GRM7: variants seen among roughly 807,000 people sequenced by gnomAD.
The protein encoded by GRM7 is glutamate metabotropic receptor 7, also known as metabotropic glutamate receptor 7.
In GRM7, 35 loss-of-function variants were observed where a neutral mutation model predicts 84.5. The observed-to-expected ratio is 0.41, with a 90% CI of 0.32 to 0.55. The LOEUF (loss-of-function observed/expected upper bound fraction) is 0.55, where lower values mean the gene tolerates loss of function less well. GRM7 is among the 20% of genes least tolerant of loss of function. The pLI is 0.19. For synonymous variants in GRM7, 487 were observed against 455.1 expected, an observed-to-expected ratio of 1.07 and a Z score of -0.89; for missense variants, 1,003 against 1,194.6, an observed-to-expected ratio of 0.84 and a Z score of 2.36.
chr3:7,662,068 A>G (rs1699483267), intron 8 of GRM7, among the ~76,000 whole-genome samples: 2 of 152,196 alleles, frequency 1.3e-5, no homozygotes, highest in South Asian at 4.1e-4. Context: ...CTACCCAGCA[A>G]TAGAAATTAA....
At chr3:7,243,757 C>CTA (rs975089612) in intron 2 of GRM7, among the ~76,000 whole-genome samples, 1 of 152,080 alleles carries the variant, frequency 6.6e-6, no homozygotes, top group African/African-American at 2.4e-5. Flanking sequence ...GAGCATCATA[C>CTA]TATGTGCTTA....
intron 7 of GRM7, among the ~76,000 whole-genome samples, chr3:7,483,947 G>A (rs948955765): frequency 6.6e-6 from 1 of 152,040 alleles, no homozygotes; most frequent in African/African-American, 2.4e-5. Flanking sequence ...TGCTTAATGT[G>A]TTACTATTGA....
chr3:7,075,541 TG>T, intron 1 of GRM7, among the ~76,000 whole-genome samples: 1 of 141,434 alleles, frequency 7.1e-6, no homozygotes, highest in African/African-American at 2.5e-5. Context: ...TGTGTGTGTG[TG>T]TGTTTGGAGA....
At chr3:6,894,625 T>C (rs550296522) in intron 1 of GRM7, among the ~76,000 whole-genome samples, 144 of 152,214 alleles carry the variant, frequency 9.5e-4, no homozygotes, top group African/African-American at 3.1e-3. Flanking sequence ...CATACACACA[T>C]GTGCACACAT....
Position 6,863,131 on chromosome 3 carries a change from T to C in GRM7, c.519+1224T>C, listed in dbSNP as rs1322010502. On this transcript the variant is annotated intron_variant, in intron 1 of 9. Transcript: ENST00000357716. This position sits in a 1 kb window ranked among gnomAD's most constrained non-coding sequence, Gnocchi z 4.8. ...CTGTCTCTGTCTCCTTGCTGTTTTT[T>C]TTTTCTCTCTGTTTTTTCTCTCCTT... 3 of 335,042 alleles carry C rather than the reference T, an allele frequency of 9.0e-6. No individual in the cohort carries two copies. The highest frequency in any genetic ancestry group is 2.2e-5 in the South Asian group (1 of 44,598). 20.8% of individuals were successfully genotyped at this position (335,042 alleles called of 1,614,324 possible). A position where few individuals can be genotyped will look rare whatever the true frequency, so the allele number is the denominator to read the frequency against.
In GRM7 at chr3:6,957,501, G is replaced by A. The variant is rs1006887183; in HGVS notation, c.519+95594G>A. Among the ~76,000 whole-genome samples the A allele has an allele frequency of 1.4e-4, 22 of 152,192 alleles. 1 individual carries two copies. Among genetic ancestry groups the A allele is most frequent in the Admixed American group, 1.2e-3 (18 of 15,284 alleles). On this transcript the variant is annotated intron_variant, in intron 1 of 9. Transcript: ENST00000357716. ...AAGCCTTGTTTTGTAGTGTCCCATA[G>A]GCAGCACATCTTGCATAAAATATTT...
intron 1 of GRM7, among the ~76,000 whole-genome samples, chr3:6,898,585 A>C (rs1279319814): frequency 2.0e-5 from 3 of 152,246 alleles, no homozygotes; most frequent in Non-Finnish European, 4.4e-5. Flanking sequence ...CAAGACTAGG[A>C]AAATAAAAGT....
At chr3:7,243,442 G>T (rs762157027) in intron 2 of GRM7, among the ~76,000 whole-genome samples, 30 of 152,140 alleles carry the variant, frequency 2.0e-4, no homozygotes, top group Non-Finnish European at 4.1e-4. Context: ...TGGCAAAATG[G>T]TTTCAGCACT....
At chr3:7,601,726 C>A (rs1440116962) in intron 8 of GRM7, among the ~76,000 whole-genome samples, 1 of 152,122 alleles carries the variant, frequency 6.6e-6, no homozygotes. Context: ...AGAATTCATG[C>A]TCAAAATATG....
intron 1 of GRM7, among the ~76,000 whole-genome samples, chr3:7,001,425 A>C (rs1695011028): frequency 6.6e-6 from 1 of 152,176 alleles, no homozygotes. Flanking sequence ...GGGAAACATA[A>C]ATGTTAACTT....
chr3:7,693,870 A>G (rs956799023), intron 9 of GRM7, among the ~76,000 whole-genome samples: 1 of 152,162 alleles, frequency 6.6e-6, no homozygotes, highest in Non-Finnish European at 1.5e-5. Flanking sequence ...ATTGCACTAA[A>G]GATGTCTTGA....
intron 5 of GRM7, among the ~76,000 whole-genome samples, chr3:7,429,985 G>T (rs1295816619): frequency 6.6e-6 from 1 of 152,124 alleles, no homozygotes; most frequent in Non-Finnish European, 1.5e-5. Flanking sequence ...ATTAGCTGCA[G>T]TTTACAACTT....
chr3:7,197,614 T>G (rs1695920360), intron 2 of GRM7, among the ~76,000 whole-genome samples: 1 of 152,174 alleles, frequency 6.6e-6, no homozygotes, highest in Non-Finnish European at 1.5e-5. Flanking sequence ...CTTACTTTTT[T>G]CTAGTCAGTT....
intron 1 of GRM7, among the ~76,000 whole-genome samples, chr3:7,014,628 T>G (rs1239034582): frequency 6.6e-6 from 1 of 152,204 alleles, no homozygotes; most frequent in Non-Finnish European, 1.5e-5. Context: ...AATTAGCATA[T>G]TTTGAAAACA....
At chr3:7,507,794 T>C (rs1337290767) in intron 7 of GRM7, among the ~76,000 whole-genome samples, 3 of 152,178 alleles carry the variant, frequency 2.0e-5, no homozygotes, top group Non-Finnish European at 4.4e-5. Context: ...ACTGTAAAAT[T>C]TGGGGCTCAG....
At chr3:7,578,357 TG>T in intron 7 of GRM7, 64 bp from the exon 8 acceptor site, 1 of 1,051,646 alleles carries the variant, frequency 9.5e-7, no homozygotes, top group Non-Finnish European at 1.4e-6. Flanking sequence ...TGTTTGCTGC[TG>T]GTGTTCTTTT....
rs546077567 is a variant in GRM7 at position 7,148,703 on chromosome 3, G to A, written c.736+2035G>A. Among the ~76,000 whole-genome samples the A allele has an allele frequency of 7.9e-5, 12 of 152,218 alleles. No homozygotes were observed. In the South Asian group the frequency reaches 2.1e-3, roughly 26 times the overall value. ...TATAATGACTCTTCAAAAAGGAGATGCTCTTATAATATGATCTGAACTCCC... is the reference window on the plus strand; with the variant it reads ...TATAATGACTCTTCAAAAAGGAGATACTCTTATAATATGATCTGAACTCCC... On this transcript the variant is annotated intron_variant, in intron 2 of 9. Transcript: ENST00000357716.
rs200224544 is a variant in GRM7, at chr3:7,578,615, A to G, written c.1709A>G (p.Asn570Ser). 212 of 1,613,918 alleles carry G rather than the reference A, an allele frequency of 1.3e-4. No homozygotes were observed. In the Admixed American group the frequency reaches 1.4e-3, roughly 11 times the overall value. Residue 570 changes from asparagine (N) to serine (S), a missense_variant, in exon 8 of 10, where the codon AAT becomes AGT. By Grantham distance (46) the Asn-to-Ser change is conservative. This residue lies in a region of GRM7 where 910 missense variants were observed against 1,126.0 expected (regional missense o/e 0.81). Coordinates refer to ENST00000357716, the MANE Select transcript of GRM7 (RefSeq NM_000844.4). ...CATTGCCCCTATGACCAGAGGCCCA[A>G]TGAAAATCGAACCGGATGCCAGGAT... is the stretch of plus-strand genomic sequence containing the variant. ...CQHCPYDQRP[N>S]ENRTGCQDIP...
At chr3:6,885,572 C>T (rs568537949) in intron 1 of GRM7, among the ~76,000 whole-genome samples, 3 of 152,322 alleles carry the variant, frequency 2.0e-5, no homozygotes, top group Admixed American at 6.5e-5. Context: ...CCCCCAAAGC[C>T]TAGTCCTGCC....
Sources: gnomAD v4.1 joint callset for allele counts (sites outside exome capture counted in the v4.1 genomes callset) on GRCh38, gnomAD v4.1.1 for gene constraint, gnomAD v4.1.1 regional missense constraint, Gnocchi (gnomAD v3.1) non-coding constraint, MANE v1.5 for transcripts, NCBI Gene and HGNC (gene_info 2026-07-23, HGNC 2026-07-21) for gene names.